The following FSCN2 variants were observed in gnomAD, a reference collection of about 807,000 sequenced individuals.
FSCN2 encodes fascin actin-bundling protein 2, retinal.
In FSCN2, 46 loss-of-function variants were observed where a neutral mutation model predicts 37.8. That is an observed-to-expected ratio of 1.22 (90% CI 0.96 to 1.56). The LOEUF (loss-of-function observed/expected upper bound fraction) is 1.56, where lower values mean the gene tolerates loss of function less well. Ranked by LOEUF, FSCN2 falls within the 40% of genes most tolerant of loss-of-function variation. FSCN2 has a pLI of 0.00. For synonymous variants in FSCN2, 351 were observed against 309.4 expected (o/e 1.13, Z -1.41); for missense variants, 844 against 730.4 (o/e 1.16, Z -1.79).
the FSCN2 span, among the ~76,000 whole-genome samples, chr17:81,517,069 G>C: frequency 6.6e-6 from 1 of 152,110 alleles, no homozygotes; most frequent in South Asian, 2.1e-4. Context: ...GAAGGTTCTG[G>C]AGGGCGGTGT....
Position 81,535,175 on chromosome 17 carries a change from C to T in FSCN2, c.950C>T (p.Thr317Ile), listed in dbSNP as rs1349988498. 32 of 1,533,270 alleles carry T rather than the reference C, an allele frequency of 2.1e-5. No homozygotes were observed. The highest frequency in any genetic ancestry group is 2.4e-5 in the Non-Finnish European group (27 of 1,145,272). 95.0% of individuals were successfully genotyped at this position (1,533,270 alleles called of 1,614,324 possible). A position where few individuals can be genotyped will look rare whatever the true frequency, so the allele number is the denominator to read the frequency against. The change falls in exon 2 of 5, where the codon ACC (threonine) becomes ATC (isoleucine). Residue 317 changes from threonine (T) to isoleucine (I), a missense_variant. Coordinates refer to ENST00000417245, the MANE Select transcript of FSCN2 (RefSeq NM_012418.4). ...ACTGGGGGCTACTGGACCCTGGTCA[C>T]CCATGGGGGCATTCACGCCACAGCC... ...SSTGGYWTLV[T>I]HGGIHATATQ...
upstream of FSCN2, among the ~76,000 whole-genome samples, chr17:81,524,761 A>G (rs8075262): frequency 0.3 from 45,370 of 151,896 alleles, 7,675 homozygotes; most frequent in Non-Finnish European, 0.39. Context: ...GCAGTGTACA[A>G]CCTGGGCTCC....
chr17:81,518,070 C>G, the FSCN2 span, among the ~76,000 whole-genome samples: 1 of 152,172 alleles, frequency 6.6e-6, no homozygotes, highest in African/African-American at 2.4e-5. Flanking sequence ...CCAAGGCTAC[C>G]TGCTGCCTCG....
intron 1 of FSCN2, among the ~76,000 whole-genome samples, chr17:81,533,290 G>A (rs1312512147): frequency 6.6e-6 from 1 of 152,244 alleles, no homozygotes; most frequent in Non-Finnish European, 1.5e-5. Context: ...GGCAGGCAGT[G>A]TCTGATGCTG....
At chr17:81,531,862 T>C (rs1371752235) in intron 1 of FSCN2, among the ~76,000 whole-genome samples, 1 of 136,474 alleles carries the variant, frequency 7.3e-6, no homozygotes, top group Non-Finnish European at 1.6e-5. Flanking sequence ...ATGGTGGTGA[T>C]GGCGATGATG....
At chr17:81,535,866 T>TCCATCC (rs1357407532) in intron 2 of FSCN2, among the ~76,000 whole-genome samples, 2 of 69,446 alleles carry the variant, frequency 2.9e-5, no homozygotes, top group Non-Finnish European at 5.7e-5. Flanking sequence ...CATCCCCCTC[T>TCCATCC]CCATCCCCAT....
chr17:81,536,609 C>G lies in FSCN2; in HGVS notation c.1106-13C>G. 6.2e-7 allele frequency: 1 copy of G among 1,607,414 alleles called. No individual in the cohort carries two copies. Among genetic ancestry groups the G allele is most frequent in the Non-Finnish European group, 8.5e-7 (1 of 1,179,594 alleles). ...GGCGGGAGGGGCAGCGCAGCAGACG[C>G]TCTCCCCGCCAGGCAAGGACGAAGA... On this transcript the variant is annotated splice_polypyrimidine_tract_variant and intron_variant, in intron 3 of 4. Transcript: ENST00000417245.
chr17:81,522,361 A>G, the FSCN2 span, among the ~76,000 whole-genome samples: 3 of 152,178 alleles, frequency 2.0e-5, no homozygotes, highest in Non-Finnish European at 2.9e-5. Context: ...AGGCAATGAG[A>G]CTTTTTTAGA....
chr17:81,531,726 G>GTGGTGATGGTGATGGTGA (rs1555671370), intron 1 of FSCN2, among the ~76,000 whole-genome samples: 3,467 of 109,236 alleles, frequency 0.032, 314 homozygotes, highest in African/African-American at 0.12. Context: ...GGTGGTGATG[G>GTGGTGATGGTGATGGTGA]TGATGGTGAT....
intron 1 of FSCN2, 83 bp downstream of exon 1, chr17:81,529,440 G>T (rs2032477149): frequency 3.8e-6 from 4 of 1,054,632 alleles, no homozygotes; most frequent in African/African-American, 1.6e-5. Flanking sequence ...GTCTCACGGG[G>T]AGTGGTATCG....
the FSCN2 span, among the ~76,000 whole-genome samples, chr17:81,523,376 A>T: frequency 6.6e-6 from 1 of 152,190 alleles, no homozygotes; most frequent in Admixed American, 6.5e-5. Flanking sequence ...CCAGAGAAAG[A>T]GAAGTGCGGC....
chr17:81,525,354 A>G (rs935724786), upstream of FSCN2, among the ~76,000 whole-genome samples: 2 of 146,884 alleles, frequency 1.4e-5, no homozygotes, highest in African/African-American at 5.1e-5. Flanking sequence ...TGAACCTGGG[A>G]GGTGGAGGTT....
chr17:81,523,190 T>C, the FSCN2 span, among the ~76,000 whole-genome samples: 3 of 152,042 alleles, frequency 2.0e-5, no homozygotes. Context: ...GAACCCCAAC[T>C]GCAGTTCGGG....
At position 81,528,990 on chromosome 17, in the gene FSCN2, C is replaced by G; in HGVS notation, c.459C>G (p.His153Gln). ...LLSVSRRRYV[H>Q]LCPREDEMAA... is the part of the protein sequence containing the mutation. ...GCGTGAGCCGGCGGCGCTACGTGCA[C>G]CTGTGCCCGCGGGAGGACGAGATGG... Residue 153 changes from histidine to glutamine, a missense_variant, in exon 1 of 5, where the codon CAC becomes CAG. His to Gln is a conservative substitution (Grantham distance 24). Coordinates refer to ENST00000417245, the MANE Select transcript of FSCN2 (RefSeq NM_012418.4). 1 of 1,583,578 alleles carries G rather than the reference C, an allele frequency of 6.3e-7. No homozygotes were observed. Among genetic ancestry groups the G allele is most frequent in the Non-Finnish European group, 8.5e-7 (1 of 1,169,772 alleles).
At chr17:81,531,514 T>C (rs1176721516) in intron 1 of FSCN2, among the ~76,000 whole-genome samples, 80 of 146,452 alleles carry the variant, frequency 5.5e-4, no homozygotes, top group African/African-American at 1.8e-3. Flanking sequence ...GTGGTGATGG[T>C]GATGGTGGTG....
At chr17:81,523,123 CTG>C in the FSCN2 span, among the ~76,000 whole-genome samples, 4 of 152,222 alleles carry the variant, frequency 2.6e-5, no homozygotes, top group African/African-American at 4.8e-5. Flanking sequence ...AGCCAGCAGA[CTG>C]TGTGGGCTGT....
the FSCN2 span, among the ~76,000 whole-genome samples, chr17:81,517,541 G>C: frequency 6.6e-6 from 1 of 152,172 alleles, no homozygotes; most frequent in Admixed American, 6.5e-5. Flanking sequence ...CGTGCTCAGT[G>C]CCTCTGTGTG....
At chr17:81,535,718 C>G (rs1033163514) in intron 2 of FSCN2, among the ~76,000 whole-genome samples, 1 of 124,770 alleles carries the variant, frequency 8.0e-6, no homozygotes, top group Non-Finnish European at 1.7e-5. Flanking sequence ...CCATCACCAT[C>G]CCCATCTCCA....
chr17:81,528,614 G>A lies in FSCN2; in HGVS notation c.83G>A (p.Ser28Asn), dbSNP rs2032429449. The part of the protein sequence containing the change: ...NDTDRYLTAE[S>N]FGFKVNASAP... The stretch of plus-strand genomic sequence containing the variant: ...ACTGACCGCTACCTGACAGCTGAGA[G>A]CTTCGGCTTCAAGGTCAATGCCTCG... Residue 28 changes from serine to asparagine, a missense_variant, in exon 1 of 5, where the codon AGC becomes AAC. Ser to Asn is a conservative substitution (Grantham distance 46). Transcript: ENST00000417245. The A allele has an allele frequency of 6.2e-7, 1 of 1,607,746 alleles. No homozygotes were observed.
Sources: allele counts gnomAD v4.1 joint callset (sites outside exome capture counted in the v4.1 genomes callset), GRCh38; gene constraint gnomAD v4.1.1; transcripts MANE v1.5; gene names NCBI Gene and HGNC (gene_info 2026-07-23, HGNC 2026-07-21).